Variants in FAM177A1 observed in about 807,000 individuals in gnomAD.
The protein encoded by FAM177A1 is protein FAM177A1.
FAM177A1 carries 22 observed loss-of-function variants against 26.1 expected under a neutral mutation model. The ratio of observed to expected loss-of-function variants is 0.84; its 90% CI spans 0.60 to 1.20. FAM177A1 has a LOEUF of 1.20. Ranked by LOEUF, FAM177A1 falls within the 50% of genes most tolerant of loss-of-function variation. The pLI is 0.00. For synonymous variants in FAM177A1, 95 were observed against 99.3 expected (o/e 0.96, Z 0.26); for missense variants, 296 against 291.1 (o/e 1.02, Z -0.12).
In FAM177A1 at chr14:35,081,371, AT is replaced by A. The variant is rs1403357781; in HGVS notation, c.*148del. On this transcript the variant is annotated 3_prime_UTR_variant, in exon 5 of 5. Coordinates refer to ENST00000280987, the MANE Select transcript of FAM177A1 (RefSeq NM_173607.5). ...TCTGGAAAGGGAAAATGTTTTCTTC[AT>A]TTTTAGGATCTATCTAGCAAAAGCC... is the stretch of plus-strand genomic sequence containing the variant. 3.5e-5 allele frequency: 30 copies of A among 858,458 alleles called. No individual in the cohort carries two copies. The East Asian group carries it at 8.8e-4, about 25-fold the overall frequency. The allele number at this position is 858,458 out of a possible 1,614,324, so 53.2% of individuals were successfully genotyped here.
intron 2 of FAM177A1, among the ~76,000 whole-genome samples, chr14:35,064,146 G>A (rs556920360): frequency 1.6e-4 from 25 of 151,898 alleles, no homozygotes; most frequent in African/African-American, 5.6e-4. Flanking sequence ...CCAGCACTTT[G>A]GGAGGCCAAG....
chr14:35,074,407 C>A (rs2045364730), intron 2 of FAM177A1, among the ~76,000 whole-genome samples: 1 of 152,170 alleles, frequency 6.6e-6, no homozygotes, highest in South Asian at 2.1e-4. Flanking sequence ...CTCACTGCAA[C>A]CTCCGCCTCC....
At chr14:35,053,849 T>C (rs1210172266) in intron 2 of FAM177A1, among the ~76,000 whole-genome samples, 1 of 152,102 alleles carries the variant, frequency 6.6e-6, no homozygotes, top group Non-Finnish European at 1.5e-5. Context: ...AAAAATTAGC[T>C]GGACGTATTG....
At chr14:35,049,167 C>T (rs1314739904) in intron 1 of FAM177A1, among the ~76,000 whole-genome samples, 1 of 152,066 alleles carries the variant, frequency 6.6e-6, no homozygotes, top group African/African-American at 2.4e-5. Context: ...GCTGGGATTA[C>T]AGGTGTGAGC....
At chr14:35,061,005 A>G (rs887243924) in intron 2 of FAM177A1, among the ~76,000 whole-genome samples, 2 of 152,146 alleles carry the variant, frequency 1.3e-5, no homozygotes, top group Non-Finnish European at 2.9e-5. Flanking sequence ...TAATTGTTCT[A>G]TTATTAGCTA....
At chr14:35,072,482 G>A (rs751832716) in intron 2 of FAM177A1, among the ~76,000 whole-genome samples, 2 of 152,040 alleles carry the variant, frequency 1.3e-5, no homozygotes, top group African/African-American at 2.4e-5. Flanking sequence ...AGAGAAAGGC[G>A]TACTTGCTGT....
intron 2 of FAM177A1, among the ~76,000 whole-genome samples, chr14:35,070,988 T>C (rs2045312450): frequency 6.6e-6 from 1 of 151,508 alleles, no homozygotes; most frequent in Admixed American, 6.6e-5. Context: ...CTCCATTTTC[T>C]TTCTTTCTTT....
At position 35,082,898 on chromosome 14, in the gene FAM177A1, A is replaced by G. The variant is rs1169052589; in HGVS notation, c.*1670A>G. On this transcript the variant is annotated 3_prime_UTR_variant, in exon 5 of 5. Coordinates refer to ENST00000280987, the MANE Select transcript of FAM177A1 (RefSeq NM_173607.5). ...CTTTTCATTAGGAGTGTTCAGCTAC[A>G]TGGATTCATGGAATGGTGGTTCATA... 7.9e-5 allele frequency: 12 copies of G among 152,226 alleles called. No individual in the cohort carries two copies. 9.4% of individuals were successfully genotyped at this position (152,226 alleles called of 1,614,324 possible).
At chr14:35,061,625 AG>A (rs1247301998) in intron 2 of FAM177A1, among the ~76,000 whole-genome samples, 8 of 30,080 alleles carry the variant, frequency 2.7e-4, no homozygotes, top group Admixed American at 1.1e-3. Flanking sequence ...GGGTGGGGGG[AG>A]GGGGGAGGGA....
Position 35,046,377 on chromosome 14 carries a change from T to A in FAM177A1, c.-87T>A. 7.4e-7 allele frequency: 1 copy of A among 1,350,700 alleles called. No individual in the cohort carries two copies. Among genetic ancestry groups the A allele is most frequent in the Non-Finnish European group, 9.6e-7 (1 of 1,038,794 alleles). 83.7% of individuals were successfully genotyped at this position (1,350,700 alleles called of 1,614,324 possible). On this transcript the variant is annotated 5_prime_UTR_variant, in exon 1 of 5. Coordinates refer to ENST00000280987, the MANE Select transcript of FAM177A1 (RefSeq NM_173607.5). ...CGAGTCCCCTTCTCAGAGACTTGGC[T>A]AGGCGCGGCGCGAGGCGGGCGCTGG...
intron 2 of FAM177A1, among the ~76,000 whole-genome samples, chr14:35,074,930 G>A (rs530301665): frequency 2.0e-5 from 3 of 152,004 alleles, no homozygotes; most frequent in South Asian, 2.1e-4. Flanking sequence ...CCAGCTACTC[G>A]TGAGGCTGAG....
intron 2 of FAM177A1, among the ~76,000 whole-genome samples, chr14:35,064,038 ACT>A (rs2045201461): frequency 1.6e-5 from 2 of 128,916 alleles, no homozygotes; most frequent in African/African-American, 3.0e-5. Context: ...ACAGAGCGAG[ACT>A]CTGTCTCAAA....
chr14:35,052,378 C>T (rs539659125), intron 1 of FAM177A1, among the ~76,000 whole-genome samples: 17 of 152,044 alleles, frequency 1.1e-4, no homozygotes, highest in African/African-American at 3.9e-4. Flanking sequence ...CCCGCTGCTG[C>T]GCCCAGCTAA....
rs1407150530 is a variant in FAM177A1, at chr14:35,054,410, A to G, written c.339+959A>G. 2.0e-5 allele frequency among the ~76,000 whole-genome samples: 3 copies of G among 152,276 alleles called. No homozygotes were observed. The East Asian group carries it at 5.8e-4, about 29-fold the overall frequency. ...TTTATTTATAAAGAAATGCCCTTCA[A>G]GTAATTATTTTGAGAGTCCAGGTAA... is the stretch of plus-strand genomic sequence containing the variant. On this transcript the variant is annotated intron_variant, in intron 2 of 4. Transcript: ENST00000280987.
intron 2 of FAM177A1, among the ~76,000 whole-genome samples, 174 bp downstream of exon 2, chr14:35,053,625 A>G (rs933920341): frequency 2.0e-5 from 3 of 152,196 alleles, no homozygotes; most frequent in Non-Finnish European, 4.4e-5. Flanking sequence ...ATGGACGGAA[A>G]TATTTCCAGC....
rs199773964 is a variant in FAM177A1 at position 35,081,265 on chromosome 14, T to C, written c.*37T>C. 3.7e-4 allele frequency: 574 copies of C among 1,558,798 alleles called. No individual in the cohort carries two copies. In the African/African-American group the frequency reaches 5.8e-3, roughly 16 times the overall value. On this transcript the variant is annotated 3_prime_UTR_variant, in exon 5 of 5. Transcript: ENST00000280987. Reference sequence around the variant, plus strand: ...TATCAAGCTTCAAACTCTTAAGTTTTTTTTTTTTAATACAAAAACTTTCAC... The same window carrying C: ...TATCAAGCTTCAAACTCTTAAGTTTCTTTTTTTTAATACAAAAACTTTCAC...
At chr14:35,070,640 A>C (rs2045307663) in intron 2 of FAM177A1, among the ~76,000 whole-genome samples, 1 of 152,012 alleles carries the variant, frequency 6.6e-6, no homozygotes, top group African/African-American at 2.4e-5. Flanking sequence ...GCTACAAGTT[A>C]ATGGACAATC....
In FAM177A1 at chr14:35,083,244, TGAAG is replaced by T. The variant is rs1207682310; in HGVS notation, c.*2018_*2021del. 2.0e-5 allele frequency: 3 copies of T among 152,786 alleles called. No individual in the cohort carries two copies. Among genetic ancestry groups the T allele is most frequent in the Non-Finnish European group, 4.4e-5 (3 of 68,040 alleles). 9.5% of individuals were successfully genotyped at this position (152,786 alleles called of 1,614,324 possible). A position where few individuals can be genotyped will look rare whatever the true frequency, so the allele number is the denominator to read the frequency against. The stretch of plus-strand genomic sequence containing the variant: ...TGTAACAAAAGGAAGTAGTGACTTA[TGAAG>T]GTTTTGTTTCTTGAATTTTACTTTT... On this transcript the variant is annotated 3_prime_UTR_variant, in exon 5 of 5. Transcript: ENST00000280987.
chr14:35,056,964 A>G (rs1430027683), intron 2 of FAM177A1, among the ~76,000 whole-genome samples: 1 of 152,140 alleles, frequency 6.6e-6, no homozygotes, highest in East Asian at 1.9e-4. Flanking sequence ...TGGTCAATCT[A>G]GCTAAAGGTT....
Sources: gnomAD v4.1 joint callset for allele counts (sites outside exome capture counted in the v4.1 genomes callset) on GRCh38, gnomAD v4.1.1 for gene constraint, MANE v1.5 for transcripts, NCBI Gene and HGNC (gene_info 2026-07-23, HGNC 2026-07-21) for gene names.